WWC2: variants seen among roughly 807,000 people sequenced by gnomAD.
WWC2 encodes WW and C2 domain containing 2.
Under a neutral mutation model 138.5 loss-of-function variants are expected in WWC2, and 101 were observed. The observed-to-expected ratio is 0.73, with a 90% CI of 0.62 to 0.86. The LOEUF (loss-of-function observed/expected upper bound fraction) is 0.86. Among genes scored for constraint, WWC2 ranks in the 40% least tolerant of loss-of-function variants. The pLI, the probability that WWC2 is intolerant of heterozygous loss-of-function variation, is 0.00. For synonymous variants in WWC2, 558 were observed against 538.4 expected (o/e 1.04, Z -0.50); for missense variants, 1,420 against 1,419.4 (o/e 1.00, Z -0.01).
In WWC2 at chr4:183,319,993, C is replaced by G. The variant is rs1195079869; in HGVS notation, c.*4264C>G. On this transcript the variant is annotated 3_prime_UTR_variant, in exon 23 of 23. Transcript: ENST00000403733. Reference sequence around the variant, plus strand: ...ATTAAGATCCTGGAGACCCTGAGTTCAGCAGGCAAAGCCAGGAAGGAGTCA... The same window carrying G: ...ATTAAGATCCTGGAGACCCTGAGTTGAGCAGGCAAAGCCAGGAAGGAGTCA... 6.2e-7 allele frequency: 1 copy of G among 1,613,804 alleles called. No homozygotes were observed. The highest frequency in any genetic ancestry group is 2.2e-5 in the East Asian group (1 of 44,870).
chr4:183,228,291 A>G (rs754372879), intron 4 of WWC2, among the ~76,000 whole-genome samples: 13 of 152,124 alleles, frequency 8.5e-5, no homozygotes, highest in Admixed American at 3.9e-4. Context: ...CAAAATATAT[A>G]AAGCAAAAAT....
intron 4 of WWC2, among the ~76,000 whole-genome samples, chr4:183,228,001 A>G (rs1197059051): frequency 6.6e-5 from 10 of 152,000 alleles, no homozygotes; most frequent in African/African-American, 2.4e-4. Flanking sequence ...ATTGGATTAA[A>G]TGCTCTAGTT....
chr4:183,122,556 C>G (rs1188518457), intron 1 of WWC2, among the ~76,000 whole-genome samples: 3 of 152,240 alleles, frequency 2.0e-5, no homozygotes, highest in East Asian at 1.9e-4. Context: ...GAGTCTTACT[C>G]TGTTGCCCAG....
intron 2 of WWC2, among the ~76,000 whole-genome samples, chr4:183,202,583 A>G (rs1580053149): frequency 6.6e-6 from 1 of 152,184 alleles, no homozygotes; most frequent in South Asian, 2.1e-4. Context: ...AAATTCCACT[A>G]AAGGAAGAGG....
chr4:183,240,011 A>G (rs1320815344), intron 4 of WWC2, among the ~76,000 whole-genome samples, 172 bp from the exon 5 acceptor site: 2 of 152,252 alleles, frequency 1.3e-5, no homozygotes, highest in Non-Finnish European at 2.9e-5. Flanking sequence ...TTTAAACATC[A>G]TTAATATGCC....
chr4:183,294,276 T>C (rs1738560055), intron 21 of WWC2, among the ~76,000 whole-genome samples: 1 of 152,098 alleles, frequency 6.6e-6, no homozygotes, highest in South Asian at 2.1e-4. Context: ...CCAAGCAGAA[T>C]ACCCACATGG....
rs1737614191 is a variant in WWC2, at chr4:183,269,149, A to G, written c.2386A>G (p.Arg796Gly). 1 of 1,609,670 alleles carries G rather than the reference A, an allele frequency of 6.2e-7. No homozygotes were observed. The highest frequency in any genetic ancestry group is 8.5e-7 in the Non-Finnish European group (1 of 1,178,884). The stretch of plus-strand genomic sequence containing the variant: ...CCTTTGCTCTGTCAGTAAACACCGA[A>G]GGGAAGAATGCCTGGTAGGATTCTT... ...VDLCSVSKHR[R>G]EECLAGTQIS... The change falls in exon 15 of 23, where the codon AGG becomes GGG. Residue 796 changes from arginine to glycine, a missense_variant. Physicochemically the swap from Arg to Gly is moderately radical, Grantham distance 125. Coordinates refer to ENST00000403733, the MANE Select transcript of WWC2 (RefSeq NM_024949.6).
chr4:183,130,244 G>C (rs1732881565), intron 1 of WWC2, among the ~76,000 whole-genome samples: 1 of 152,068 alleles, frequency 6.6e-6, no homozygotes, highest in Non-Finnish European at 1.5e-5. Flanking sequence ...AGTAGAGACG[G>C]GGTTTCATCG....
At chr4:183,158,793 C>T (rs1733876049) in intron 1 of WWC2, among the ~76,000 whole-genome samples, 1 of 152,146 alleles carries the variant, frequency 6.6e-6, no homozygotes, top group Non-Finnish European at 1.5e-5. Context: ...AAACATGGCA[C>T]TTTACCTCGG....
At chr4:183,247,754 AATAT>A (rs993367221) in intron 6 of WWC2, among the ~76,000 whole-genome samples, 2 of 140,550 alleles carry the variant, frequency 1.4e-5, no homozygotes, top group African/African-American at 2.6e-5. Flanking sequence ...TATACTACAT[AATAT>A]ATATATAATA....
intron 1 of WWC2, among the ~76,000 whole-genome samples, chr4:183,135,921 A>G (rs1385827476): frequency 1.3e-5 from 2 of 152,136 alleles, no homozygotes; most frequent in Non-Finnish European, 2.9e-5. Context: ...AAAATCAGCT[A>G]ACAGTATGTT....
At chr4:183,263,700 C>T (rs1004919119) in intron 11 of WWC2, among the ~76,000 whole-genome samples, 25 of 152,238 alleles carry the variant, frequency 1.6e-4, no homozygotes, top group Admixed American at 3.9e-4. Context: ...GTCAAGGCTG[C>T]GACGAGCTGA....
intron 4 of WWC2, among the ~76,000 whole-genome samples, chr4:183,222,101 A>G (rs1160775933): frequency 6.6e-6 from 1 of 152,230 alleles, no homozygotes. Context: ...AATTTCAAAA[A>G]CAGTGAAAGT....
chr4:183,309,556 A>C (rs1297653950), intron 21 of WWC2, among the ~76,000 whole-genome samples: 1 of 152,226 alleles, frequency 6.6e-6, no homozygotes. Flanking sequence ...AGCGGCCAAG[A>C]TGCAAAACAC....
chr4:183,283,837 G>A (rs990501619), intron 18 of WWC2, among the ~76,000 whole-genome samples: 12 of 152,108 alleles, frequency 7.9e-5, no homozygotes, highest in African/African-American at 2.4e-4. Context: ...AATGTAATCA[G>A]AAAGTTGAAT....
chr4:183,117,227 T>C (rs1732440995), intron 1 of WWC2, among the ~76,000 whole-genome samples: 1 of 145,732 alleles, frequency 6.9e-6, no homozygotes, highest in African/African-American at 2.6e-5. Flanking sequence ...TTTTTTTTTT[T>C]TTTTTTTTTT....
At chr4:183,110,614 C>A (rs1215515760) in intron 1 of WWC2, among the ~76,000 whole-genome samples, 6 of 151,950 alleles carry the variant, frequency 3.9e-5, no homozygotes, top group Non-Finnish European at 5.9e-5. Context: ...TACAATAGTT[C>A]CAATAGAGCA....
intron 4 of WWC2, among the ~76,000 whole-genome samples, chr4:183,219,096 A>C (rs1735847937): frequency 6.6e-6 from 1 of 152,196 alleles, no homozygotes; most frequent in Non-Finnish European, 1.5e-5. Context: ...GACACAAAAG[A>C]ACAAATATGA....
intron 6 of WWC2, among the ~76,000 whole-genome samples, chr4:183,246,545 G>A (rs377569393): frequency 5.5e-4 from 84 of 152,192 alleles, no homozygotes; most frequent in African/African-American, 1.9e-3. Flanking sequence ...GCATGTAATT[G>A]TAAATACTGA....
Sources: gnomAD v4.1 joint callset for allele counts (sites outside exome capture counted in the v4.1 genomes callset) on GRCh38, gnomAD v4.1.1 for gene constraint, MANE v1.5 for transcripts, NCBI Gene and HGNC (gene_info 2026-07-23, HGNC 2026-07-21) for gene names.